The following MAPKAP1 variants were observed in gnomAD, a reference collection of about 807,000 sequenced individuals.
MAPKAP1 encodes the protein MAPK associated protein 1.
Under a neutral mutation model 65.7 loss-of-function variants are expected in MAPKAP1, and 20 were observed. That is an observed-to-expected ratio of 0.30 (90% confidence interval 0.21 to 0.44). The LOEUF is 0.44. Ranked by LOEUF, MAPKAP1 falls within the 20% of genes least tolerant of loss-of-function variation. The probability of loss-of-function intolerance (pLI) is 1.00; values close to 1 mark genes in which losing one functional copy is unlikely to be tolerated. For synonymous variants in MAPKAP1, 222 were observed against 244.3 expected (o/e 0.91, Z 0.85); for missense variants, 423 against 648.0 (o/e 0.65, Z 3.77).
At chr9:125,466,905 C>T (rs1853702336) in intron 10 of MAPKAP1, among the ~76,000 whole-genome samples, 1 of 152,272 alleles carries the variant, frequency 6.6e-6, no homozygotes, top group African/African-American at 2.4e-5. Context: ...CAGCCCCCGT[C>T]AGCCCCTGTT....
At chr9:125,582,699 GCTT>G (rs1457124344) in intron 5 of MAPKAP1, among the ~76,000 whole-genome samples, 1 of 152,184 alleles carries the variant, frequency 6.6e-6, no homozygotes, top group African/African-American at 2.4e-5. Context: ...GCCTTGTTCA[GCTT>G]CTTTTCATAG....
At chr9:125,590,076 GCT>G (rs1198621085) in intron 4 of MAPKAP1, among the ~76,000 whole-genome samples, 8 of 152,212 alleles carry the variant, frequency 5.3e-5, no homozygotes, top group Admixed American at 4.6e-4. Flanking sequence ...GCTTGTCATT[GCT>G]CTCTCTTTTT....
At chr9:125,528,451 C>A (rs893128926) in intron 7 of MAPKAP1, among the ~76,000 whole-genome samples, 2 of 152,142 alleles carry the variant, frequency 1.3e-5, no homozygotes, top group African/African-American at 2.4e-5. Context: ...TGCGTGGAAA[C>A]GAGTGGAAAG....
At chr9:125,606,233 G>C (rs1343801066) in intron 4 of MAPKAP1, among the ~76,000 whole-genome samples, 1 of 152,120 alleles carries the variant, frequency 6.6e-6, no homozygotes, top group Non-Finnish European at 1.5e-5. Context: ...GCATAGGGAG[G>C]CGGGGGGAAG....
At chr9:125,535,656 T>C (rs1396537877) in intron 7 of MAPKAP1, among the ~76,000 whole-genome samples, 1 of 152,260 alleles carries the variant, frequency 6.6e-6, no homozygotes, top group Non-Finnish European at 1.5e-5. Flanking sequence ...TACACTCATA[T>C]ACACTTTCCA....
chr9:125,524,415 C>A (rs1394649750), intron 7 of MAPKAP1, among the ~76,000 whole-genome samples: 1 of 152,240 alleles, frequency 6.6e-6, no homozygotes. Context: ...TAAATAGCAA[C>A]TATTTCTTAA....
At chr9:125,564,709 G>GC (rs1487323108) in intron 5 of MAPKAP1, among the ~76,000 whole-genome samples, 3 of 152,176 alleles carry the variant, frequency 2.0e-5, no homozygotes, top group African/African-American at 7.2e-5. Flanking sequence ...ATTGCACAGT[G>GC]CCTGCATGAA....
At chr9:125,572,321 T>A (rs1461310520) in intron 5 of MAPKAP1, among the ~76,000 whole-genome samples, 1 of 152,160 alleles carries the variant, frequency 6.6e-6, no homozygotes, top group African/African-American at 2.4e-5. Context: ...TTTTAAGAAA[T>A]CTTAACTAAG....
chr9:125,501,930 C>G (rs868055709), intron 8 of MAPKAP1, among the ~76,000 whole-genome samples: 8 of 151,884 alleles, frequency 5.3e-5, no homozygotes, highest in African/African-American at 1.7e-4. Flanking sequence ...GGAAGTGTAT[C>G]GATTTTGTTG....
chr9:125,692,406 C>A (rs1400195043), intron 1 of MAPKAP1, among the ~76,000 whole-genome samples: 1 of 152,160 alleles, frequency 6.6e-6, no homozygotes, highest in Admixed American at 6.5e-5. Flanking sequence ...TCAAAGGCCA[C>A]AAACTGTCAA....
chr9:125,655,248 AT>A (rs771950617), intron 4 of MAPKAP1, among the ~76,000 whole-genome samples: 1 of 152,214 alleles, frequency 6.6e-6, no homozygotes, highest in Non-Finnish European at 1.5e-5. Flanking sequence ...CCGAAAAAAA[AT>A]AAAATAATTT....
At chr9:125,482,525 A>G (rs1187560130) in intron 9 of MAPKAP1, among the ~76,000 whole-genome samples, 2 of 152,222 alleles carry the variant, frequency 1.3e-5, no homozygotes, top group Non-Finnish European at 2.9e-5. Flanking sequence ...AATCAACACT[A>G]AATAAGCAAT....
At chr9:125,615,917 A>G (rs186106296) in intron 4 of MAPKAP1, among the ~76,000 whole-genome samples, 1 of 149,208 alleles carries the variant, frequency 6.7e-6, no homozygotes, top group Non-Finnish European at 1.5e-5. Context: ...CCGTCTCAGA[A>G]AAAAAAAAAA....
At chr9:125,466,250 CCTT>C (rs1853669974) in intron 10 of MAPKAP1, among the ~76,000 whole-genome samples, 2 of 152,072 alleles carry the variant, frequency 1.3e-5, no homozygotes, top group African/African-American at 4.8e-5. Flanking sequence ...CAAGGGGAGG[CCTT>C]ATGCCCAACC....
intron 8 of MAPKAP1, among the ~76,000 whole-genome samples, chr9:125,497,991 G>A (rs1202075606): frequency 6.6e-6 from 1 of 152,222 alleles, no homozygotes; most frequent in African/African-American, 2.4e-5. Context: ...GTGCCAGGAT[G>A]TATATAGAAG....
chr9:125,616,706 T>G (rs1403363032), intron 4 of MAPKAP1, among the ~76,000 whole-genome samples: 1 of 152,100 alleles, frequency 6.6e-6, no homozygotes, highest in Non-Finnish European at 1.5e-5. Context: ...AGCACAACAC[T>G]GACGCACTGC....
At chr9:125,499,597 A>G (rs889186289) in intron 8 of MAPKAP1, among the ~76,000 whole-genome samples, 3 of 152,226 alleles carry the variant, frequency 2.0e-5, no homozygotes, top group Non-Finnish European at 4.4e-5. Context: ...AACTGAATTA[A>G]GACCATGTTC....
At position 125,506,370 on chromosome 9, in the gene MAPKAP1, C is replaced by T. The variant is rs1307107598; in HGVS notation, c.1006G>A (p.Asp336Asn). Residue 336 changes from aspartate (D) to asparagine (N), a missense_variant, in exon 8 of 12, where the codon GAC (aspartate) becomes AAC (asparagine). Around this residue, in one of 6 missense-constraint regions of MAPKAP1, gnomAD observed 185 missense variants for 268.1 expected, o/e 0.69. Transcript: ENST00000265960. The part of the protein sequence containing the change: ...EKQSEPNVAV[D>N]LDSTLESQSA... ...TGGCTCTCCAAAGTGCTGTCCAGGT[C>T]AACGGCGACATTGGGCTCGCTCTGC... 1 of 1,614,128 alleles carries T rather than the reference C, an allele frequency of 6.2e-7. No homozygotes were observed. The highest frequency in any genetic ancestry group is 1.7e-5 in the Admixed American group (1 of 60,022).
chr9:125,620,147 A>G (rs992859455), intron 4 of MAPKAP1, among the ~76,000 whole-genome samples: 1 of 152,212 alleles, frequency 6.6e-6, no homozygotes, highest in East Asian at 1.9e-4. Context: ...CGCCTCTACT[A>G]AAAATGCAAA....
Sources: gnomAD v4.1 joint callset for allele counts (sites outside exome capture counted in the v4.1 genomes callset) on GRCh38, gnomAD v4.1.1 for gene constraint, gnomAD v4.1.1 regional missense constraint, MANE v1.5 for transcripts, NCBI Gene and HGNC (gene_info 2026-07-23, HGNC 2026-07-21) for gene names.